The following MICU1 variants were observed in gnomAD, a reference collection of about 807,000 sequenced individuals.
MICU1 encodes mitochondrial calcium uptake 1.
In MICU1, 45 loss-of-function variants were observed where a neutral mutation model predicts 56.8. That is an observed-to-expected ratio of 0.79 (90% CI 0.62 to 1.02). The LOEUF is 1.02. Ranked by LOEUF, MICU1 falls within the 50% of genes least tolerant of loss-of-function variation. MICU1 has a pLI of 0.00. For synonymous variants in MICU1, 186 were observed against 195.1 expected, an observed-to-expected ratio of 0.95 and a Z score of 0.39; for missense variants, 504 against 587.1, an observed-to-expected ratio of 0.86 and a Z score of 1.46.
At chr10:72,440,661 G>T (rs563267362) in intron 8 of MICU1, among the ~76,000 whole-genome samples, 13 of 152,266 alleles carry the variant, frequency 8.5e-5, no homozygotes, top group South Asian at 6.2e-4. Context: ...CTGACAAAGG[G>T]CTAATATCCA....
intron 1 of MICU1, among the ~76,000 whole-genome samples, chr10:72,610,559 G>T (rs1349138424): frequency 6.6e-6 from 1 of 152,178 alleles, no homozygotes; most frequent in African/African-American, 2.4e-5. Flanking sequence ...GGCCAGGGAA[G>T]GTAGTACTGG....
At chr10:72,576,843 G>A (rs769652067) in intron 1 of MICU1, among the ~76,000 whole-genome samples, 4 of 152,106 alleles carry the variant, frequency 2.6e-5, no homozygotes, top group African/African-American at 7.2e-5. Flanking sequence ...TGAAGGCAAC[G>A]CTCATTCATC....
intron 4 of MICU1, among the ~76,000 whole-genome samples, chr10:72,535,454 C>T (rs1564923539): frequency 6.6e-6 from 1 of 152,122 alleles, no homozygotes; most frequent in East Asian, 1.9e-4. Flanking sequence ...AACAGAGACT[C>T]AATCCAAGAG....
At chr10:72,512,107 G>GTTTTTTTTTTTTTTTTTTTTTTTTTTT (rs869183579) in intron 5 of MICU1, among the ~76,000 whole-genome samples, 2 of 29,506 alleles carry the variant, frequency 6.8e-5, no homozygotes, top group African/African-American at 1.9e-4. Context: ...GTTGTTTTTT[G>GTTTTTTTTTTTTTTTTTTTTTTTTTTT]TTTTTTTTTT....
chr10:72,516,100 G>A (rs920605466), intron 5 of MICU1, among the ~76,000 whole-genome samples: 3 of 152,112 alleles, frequency 2.0e-5, no homozygotes, highest in Non-Finnish European at 4.4e-5. Context: ...TCCAGCATCT[G>A]TTGTTTCCTG....
chr10:72,464,064 G>T (rs1865715154), intron 8 of MICU1, among the ~76,000 whole-genome samples: 1 of 152,178 alleles, frequency 6.6e-6, no homozygotes, highest in Admixed American at 6.5e-5. Context: ...GGGAGGCTGG[G>T]GCGAGTGGAT....
At chr10:72,425,110 T>C (rs971034568) in intron 8 of MICU1, among the ~76,000 whole-genome samples, 2 of 152,250 alleles carry the variant, frequency 1.3e-5, no homozygotes, top group African/African-American at 4.8e-5. Flanking sequence ...TTGCAATGTT[T>C]AAATCAGATT....
chr10:72,579,587 T>G (rs951474072), intron 1 of MICU1, among the ~76,000 whole-genome samples: 14 of 152,224 alleles, frequency 9.2e-5, no homozygotes, highest in South Asian at 2.1e-4. Context: ...TTTTTTTCAT[T>G]TTATTAATAG....
intron 4 of MICU1, among the ~76,000 whole-genome samples, chr10:72,540,448 A>T (rs1839745926): frequency 6.6e-6 from 1 of 152,038 alleles, no homozygotes; most frequent in South Asian, 2.1e-4. Flanking sequence ...CTGAGGTGGG[A>T]AGATCACTTG....
intron 5 of MICU1, chr10:72,533,019 CCTT>C (rs758955750): frequency 5.4e-6 from 7 of 1,288,876 alleles, no homozygotes; most frequent in African/African-American, 1.5e-5. Context: ...CCATGATTGT[CCTT>C]CTGACTTCCT....
intron 4 of MICU1, among the ~76,000 whole-genome samples, chr10:72,545,707 C>T (rs781384965): frequency 2.6e-5 from 4 of 152,134 alleles, no homozygotes; most frequent in Non-Finnish European, 5.9e-5. Flanking sequence ...GTGTTAGACT[C>T]TCAGCTATCT....
intron 1 of MICU1, among the ~76,000 whole-genome samples, chr10:72,584,022 C>G (rs557994553): frequency 2.1e-4 from 32 of 152,264 alleles, no homozygotes; most frequent in African/African-American, 7.7e-4. Context: ...CAAGTCTCTA[C>G]AGTATAAAAT....
intron 5 of MICU1, among the ~76,000 whole-genome samples, chr10:72,523,608 ATTAG>A (rs1371406864): frequency 6.6e-6 from 1 of 152,178 alleles, no homozygotes; most frequent in Non-Finnish European, 1.5e-5. Flanking sequence ...CGTTAGTTAT[ATTAG>A]TTATTTTAAA....
intron 8 of MICU1, among the ~76,000 whole-genome samples, chr10:72,463,300 T>C (rs1865694161): frequency 6.6e-6 from 1 of 152,192 alleles, no homozygotes; most frequent in African/African-American, 2.4e-5. Flanking sequence ...CAACATCAGG[T>C]GATCTGCCCA....
chr10:72,370,282 T>G (rs1156830317), intron 11 of MICU1, among the ~76,000 whole-genome samples: 1 of 152,016 alleles, frequency 6.6e-6, no homozygotes, highest in African/African-American at 2.4e-5. Context: ...GCCTGTTGAT[T>G]AAAATAATGA....
chr10:72,561,975 C>G (rs1840307873), intron 3 of MICU1, among the ~76,000 whole-genome samples: 1 of 152,036 alleles, frequency 6.6e-6, no homozygotes, highest in Non-Finnish European at 1.5e-5. Flanking sequence ...GAACGCAACT[C>G]CCTGAATTTT....
At chr10:72,450,969 G>A (rs140098617) in intron 8 of MICU1, among the ~76,000 whole-genome samples, 3,488 of 150,642 alleles carry the variant, frequency 0.023, 54 homozygotes, top group Non-Finnish European at 0.036. Context: ...GCCTGCCTTG[G>A]CCTCCCAAAG....
intron 8 of MICU1, 43 bp from the exon 9 acceptor site, chr10:72,423,414 G>GT (rs773928266): frequency 6.3e-7 from 1 of 1,594,600 alleles, no homozygotes; most frequent in Non-Finnish European, 8.6e-7. Context: ...TCAATGGAAA[G>GT]TATTTTGACG....
intron 5 of MICU1, among the ~76,000 whole-genome samples, chr10:72,532,370 T>TTA (rs1839511500): frequency 1.3e-5 from 2 of 152,158 alleles, no homozygotes; most frequent in African/African-American, 4.8e-5. Context: ...TATTACTGAC[T>TTA]TAATGAGTCA....
Sources: gnomAD v4.1 joint callset for allele counts (sites outside exome capture counted in the v4.1 genomes callset) on GRCh38, gnomAD v4.1.1 for gene constraint, MANE v1.5 for transcripts, NCBI Gene and HGNC (gene_info 2026-07-23, HGNC 2026-07-21) for gene names.